The following DNAH2 variants were observed in gnomAD, a reference collection of about 807,000 sequenced individuals.
The protein encoded by DNAH2 is dynein axonemal heavy chain 2.
Under a neutral mutation model 523.5 loss-of-function variants are expected in DNAH2, and 323 were observed. That is an observed-to-expected ratio of 0.62 (90% CI 0.56 to 0.68). The LOEUF is 0.68. DNAH2 is among the 30% of genes least tolerant of loss of function. The probability of loss-of-function intolerance (pLI) is 0.00; values close to 1 mark genes in which losing one functional copy is unlikely to be tolerated. For synonymous variants in DNAH2, 2,093 were observed against 2,177.4 expected (o/e 0.96, Z 1.08); for missense variants, 4,907 against 5,701.5 (o/e 0.86, Z 4.49).
intron 12 of DNAH2, among the ~76,000 whole-genome samples, chr17:7,753,818 C>T (rs771743363): frequency 3.9e-5 from 6 of 151,900 alleles, no homozygotes; most frequent in Admixed American, 1.3e-4. Flanking sequence ...CATGGTGGTG[C>T]GCACCTATAG....
At chr17:7,741,034 C>A (rs1277243641) in intron 11 of DNAH2, 42 bp downstream of exon 11, 1 of 1,562,180 alleles carries the variant, frequency 6.4e-7, no homozygotes, top group African/African-American at 1.3e-5. Flanking sequence ...TCAGTGAGAC[C>A]GCCAGGAGGG....
At chr17:7,725,313 C>A (rs1299947611) in intron 3 of DNAH2, among the ~76,000 whole-genome samples, 1 of 151,226 alleles carries the variant, frequency 6.6e-6, no homozygotes, top group Admixed American at 6.6e-5. Context: ...TGGTCTTGAA[C>A]TCCTGACCTC....
At chr17:7,833,032 A>C in intron 84 of DNAH2, 39 bp from the exon 85 acceptor site, 4 of 1,613,074 alleles carry the variant, frequency 2.5e-6, no homozygotes, top group Non-Finnish European at 3.4e-6. Context: ...TGGCAATTGA[A>C]GTCTAGCTTC....
In DNAH2 at chr17:7,734,129, G is replaced by A. The variant is rs961828941; in HGVS notation, c.629-54G>A. 5 of 1,482,850 alleles carry A rather than the reference G, an allele frequency of 3.4e-6. No individual in the cohort carries two copies. In the South Asian group the frequency reaches 6.2e-5, roughly 18 times the overall value. The allele number at this position is 1,482,850 out of a possible 1,614,324, so 91.9% of individuals were successfully genotyped here. A position where few individuals can be genotyped will look rare whatever the true frequency, so the allele number is the denominator to read the frequency against. On this transcript the variant is annotated intron_variant, in intron 5 of 85. Transcript: ENST00000572933. ...CGATCATCAACCGTGATTCCTACGG[G>A]GCCAGCAAGAACTCATCCCCTCTGT...
Position 7,831,149 on chromosome 17 carries a change from C to T in DNAH2, c.12294C>T (p.Tyr4098=). 1 of 1,614,166 alleles carries T rather than the reference C, an allele frequency of 6.2e-7. No homozygotes were observed. Among genetic ancestry groups the T allele is most frequent in the African/African-American group, 1.3e-5 (1 of 75,042 alleles). ...GCAGCCTCGCTTCTTACAAGGAATA[C>T]ATCAGCTTATTGCCTGGCATGGACC... is the stretch of plus-strand genomic sequence containing the variant. ...KDGSLASYKE[Y]ISLLPGMDPP... The change falls in exon 80 of 86, where the codon TAC becomes TAT. Residue 4098 remains tyrosine, a synonymous_variant. Transcript: ENST00000572933. The surrounding 1 kb of genome is among the most constrained non-coding windows in gnomAD (Gnocchi z 4.2).
chr17:7,733,187 A>C lies in DNAH2; in HGVS notation c.500A>C (p.Tyr167Ser). ...TVQFGTVRGP[Y>S]IPALLRLLGG... is the part of the protein sequence containing the mutation. Reference sequence around the variant, plus strand: ...CAGTTTGGGACGGTGCGGGGCCCCTATATCCCGGCCCTGCTTCGGCTGCTC... The same window carrying C: ...CAGTTTGGGACGGTGCGGGGCCCCTCTATCCCGGCCCTGCTTCGGCTGCTC... Residue 167 changes from tyrosine (Y) to serine (S), a missense_variant, in exon 5 of 86, where the codon TAT becomes TCT. This residue lies in a region of DNAH2 where 2,806 missense variants were observed against 3,190.8 expected (regional missense o/e 0.88). Transcript: ENST00000572933. The C allele has an allele frequency of 6.2e-7, 1 of 1,614,102 alleles. No individual in the cohort carries two copies.
At chr17:7,824,515 T>C in intron 76 of DNAH2, 22 bp from the exon 77 acceptor site, 1 of 1,518,886 alleles carries the variant, frequency 6.6e-7, no homozygotes, top group Non-Finnish European at 8.9e-7. Context: ...TGATTCCCAC[T>C]GACCCTGGCA....
rs767734651 is a variant in DNAH2, at chr17:7,833,394, CCTG to C, written c.13148_13150del (p.Cys4383del). 3.7e-6 allele frequency: 6 copies of C among 1,614,146 alleles called. No individual in the cohort carries two copies. The highest frequency in any genetic ancestry group is 2.2e-5 in the South Asian group (2 of 91,084). Reference sequence around the variant, plus strand: ...TTTCCCCCAGGCATGTACTCCTGCCCCTGCTATTACTATCCCAACCGGGCAGGC... The same window carrying C: ...TTTCCCCCAGGCATGTACTCCTGCCCCTATTACTATCCCAACCGGGCAGGC... On this transcript the variant is annotated inframe_deletion, in exon 86 of 86. Coordinates refer to ENST00000572933, the MANE Select transcript of DNAH2 (RefSeq NM_020877.5).
rs1332048506 is a variant in DNAH2, at chr17:7,823,430, T to A, written c.11143-12T>A. 1.2e-6 allele frequency: 2 copies of A among 1,610,778 alleles called. No individual in the cohort carries two copies. Among genetic ancestry groups the A allele is most frequent in the African/African-American group, 2.7e-5 (2 of 74,398 alleles). ...CAAGTCAATCCCTTTCTTCCTCCCC[T>A]TCTCCCACCAGGTCTTGGATCGGGA... is the stretch of plus-strand genomic sequence containing the variant. On this transcript the variant is annotated splice_polypyrimidine_tract_variant and intron_variant, in intron 73 of 85. Transcript: ENST00000572933.
intron 3 of DNAH2, 135 bp from the exon 4 acceptor site, chr17:7,726,987 C>A: frequency 1.1e-6 from 1 of 903,346 alleles, no homozygotes; most frequent in Non-Finnish European, 1.6e-6. Flanking sequence ...GGAAAGCTAT[C>A]TTTCAGTTTC....
At position 7,742,991 on chromosome 17, in the gene DNAH2, C is replaced by G; in HGVS notation, c.1753C>G (p.Gln585Glu). ...GTGKESVHTY[Q>E]QMVQAIDELV... ...TGGAAAGGAGAGTGTGCACACCTAT[C>G]AGCAGATGGTCCAGGCCATTGATGA... Residue 585 changes from glutamine to glutamate, a missense_variant, in exon 12 of 86, where the codon CAG (glutamine) becomes GAG (glutamate). Coordinates refer to ENST00000572933, the MANE Select transcript of DNAH2 (RefSeq NM_020877.5). 1 of 1,515,588 alleles carries G rather than the reference C, an allele frequency of 6.6e-7. No individual in the cohort carries two copies. The highest frequency in any genetic ancestry group is 8.8e-7 in the Non-Finnish European group (1 of 1,135,120). 93.9% of individuals were successfully genotyped at this position (1,515,588 alleles called of 1,614,324 possible).
Position 7,764,187 on chromosome 17 carries a change from G to A in DNAH2, c.3250G>A (p.Asp1084Asn), listed in dbSNP as rs142820383. Residue 1084 changes from aspartate to asparagine, a missense_variant, in exon 20 of 86, where the codon GAC becomes AAC. By Grantham distance (23) the Asp-to-Asn change is conservative. Coordinates refer to ENST00000572933, the MANE Select transcript of DNAH2 (RefSeq NM_020877.5). ...SLQLVDALKHDLANVETQIPP... is the reference protein window; with the variant it reads ...SLQLVDALKHNLANVETQIPP... ...GCAGCTCGTGGATGCCCTGAAGCAC[G>A]ACTTGGCCAACGTGGAGACTCAGAT... 96 of 1,614,042 alleles carry A rather than the reference G, an allele frequency of 5.9e-5. No homozygotes were observed. Among genetic ancestry groups the A allele is most frequent in the Middle Eastern group, 3.3e-4 (2 of 6,084 alleles).
intron 22 of DNAH2, among the ~76,000 whole-genome samples, chr17:7,767,081 C>T (rs1452568984): frequency 9.9e-5 from 15 of 150,968 alleles, no homozygotes; most frequent in African/African-American, 2.7e-4. Flanking sequence ...CCCCGTCCCC[C>T]GCCCCAGTCC....
chr17:7,796,346 GC>G, intron 49 of DNAH2, 117 bp from the exon 50 acceptor site: 1 of 1,181,008 alleles, frequency 8.5e-7, no homozygotes, highest in Non-Finnish European at 1.2e-6. Context: ...ACCGTGCCCG[GC>G]CCTAGGATTT....
At chr17:7,722,949 C>A (rs566099499) in intron 2 of DNAH2, among the ~76,000 whole-genome samples, 5 of 138,196 alleles carry the variant, frequency 3.6e-5, no homozygotes, top group African/African-American at 1.3e-4. Context: ...TCTTTTCTTT[C>A]TTTTCTTTTC....
Position 7,831,221 on chromosome 17 carries a change from G to A in DNAH2, c.12366G>A (p.Gln4122=). 6.2e-7 allele frequency: 1 copy of A among 1,614,206 alleles called. No individual in the cohort carries two copies. The highest frequency in any genetic ancestry group is 8.5e-7 in the Non-Finnish European group (1 of 1,180,046). The change falls in exon 80 of 86, where the codon CAG becomes CAA. Residue 4122 remains glutamine, a synonymous_variant. Transcript: ENST00000572933. The surrounding 1 kb of genome is among the most constrained non-coding windows in gnomAD (Gnocchi z 4.2). ...ACCCCAATGCTGATGTGGCCTCTCAGATCACTGAGGCACAAACCCTCTTTG... is the reference window on the plus strand; with the variant it reads ...ACCCCAATGCTGATGTGGCCTCTCAAATCACTGAGGCACAAACCCTCTTTG... ...GQHPNADVAS[Q]ITEAQTLFDT...
At chr17:7,739,588 T>C (rs2075245883) in intron 8 of DNAH2, 145 bp from the exon 9 acceptor site, 3 of 822,734 alleles carry the variant, frequency 3.6e-6, no homozygotes. Flanking sequence ...CCTCCCTGGT[T>C]TTTAGATATT....
chr17:7,817,431 G>A lies in DNAH2; in HGVS notation c.10020+16G>A. ...GATCGGGAAGGTGAGATGGGACTCA[G>A]GCATGACAAGTAGGCTCCGAGACCA... On this transcript the variant is annotated intron_variant, in intron 65 of 85. Coordinates refer to ENST00000572933, the MANE Select transcript of DNAH2 (RefSeq NM_020877.5). 6.2e-7 allele frequency: 1 copy of A among 1,613,810 alleles called. No individual in the cohort carries two copies. Among genetic ancestry groups the A allele is most frequent in the Non-Finnish European group, 8.5e-7 (1 of 1,179,980 alleles).
In DNAH2 at chr17:7,799,208, G is replaced by A. The variant is rs147918283; in HGVS notation, c.8665G>A (p.Val2889Met). The A allele has an allele frequency of 2.8e-5, 45 of 1,614,088 alleles. No homozygotes were observed. Among genetic ancestry groups the A allele is most frequent in the African/African-American group, 1.7e-4 (13 of 74,936 alleles). Reference sequence around the variant, plus strand: ...ACGCGTGCAGAACAACCTGCACATCGTGCTCTGCCTCAGCCCCATGGGGGA... The same window carrying A: ...ACGCGTGCAGAACAACCTGCACATCATGCTCTGCCTCAGCCCCATGGGGGA... ...IERVQNNLHI[V>M]LCLSPMGDPF... is the part of the protein sequence containing the mutation. The change falls in exon 56 of 86, where the codon GTG (valine) becomes ATG (methionine). Residue 2889 changes from valine (V) to methionine (M), a missense_variant. This residue lies in a region of DNAH2 where 1,851 missense variants were observed against 2,139.4 expected (regional missense o/e 0.87). Coordinates refer to ENST00000572933, the MANE Select transcript of DNAH2 (RefSeq NM_020877.5).
Sources: gnomAD v4.1 joint callset for allele counts (sites outside exome capture counted in the v4.1 genomes callset) on GRCh38, gnomAD v4.1.1 for gene constraint, gnomAD v4.1.1 regional missense constraint, Gnocchi (gnomAD v3.1) non-coding constraint, MANE v1.5 for transcripts, NCBI Gene and HGNC (gene_info 2026-07-23, HGNC 2026-07-21) for gene names.